SLC12A2: variants seen among roughly 807,000 people sequenced by gnomAD.
SLC12A2 encodes the protein Na-K-2Cl cotransporter 1.
Under a neutral mutation model 136.3 loss-of-function variants are expected in SLC12A2, and 67 were observed. That is an observed-to-expected ratio of 0.49 (90% CI 0.40 to 0.60). The LOEUF is 0.60. SLC12A2 is among the 20% of genes least tolerant of loss of function. SLC12A2 has a pLI of 0.00. For missense variants in SLC12A2, 1,322 were observed against 1,534.7 expected (o/e 0.86, Z 2.32); for synonymous variants, 619 against 562.9 (o/e 1.10, Z -1.41).
At chr5:128,103,596 A>G (rs931821250) in intron 1 of SLC12A2, among the ~76,000 whole-genome samples, 7 of 152,222 alleles carry the variant, frequency 4.6e-5, no homozygotes, top group African/African-American at 1.4e-4. Flanking sequence ...AGATAATTAC[A>G]GAGTATGATA....
intron 22 of SLC12A2, among the ~76,000 whole-genome samples, chr5:128,179,828 G>T (rs967706239): frequency 1.3e-5 from 2 of 151,748 alleles, no homozygotes; most frequent in Admixed American, 1.3e-4. Flanking sequence ...GCTGATATCC[G>T]AACTATTCCA....
At position 128,126,954 on chromosome 5, in the gene SLC12A2, AT is replaced by A. The variant is rs1561673430; in HGVS notation, c.1049-4112del. On this transcript the variant is annotated intron_variant, in intron 4 of 26. Coordinates refer to ENST00000262461, the MANE Select transcript of SLC12A2 (RefSeq NM_001046.3). ...TATCACAACCTACATATATATATATATATATATATATATTTTTTTTTTTTTT... is the reference window on the plus strand; with the variant it reads ...TATCACAACCTACATATATATATATAATATATATATATTTTTTTTTTTTTT... Among the ~76,000 whole-genome samples, 36 of 28,590 alleles carry A rather than the reference AT, an allele frequency of 1.3e-3. 4 individuals carry two copies. Among genetic ancestry groups the A allele is most frequent in the African/African-American group, 9.3e-3 (31 of 3,324 alleles). The allele number at this position is 28,590 out of a possible 152,430, so 18.8% of individuals were successfully genotyped here. A position where few individuals can be genotyped will look rare whatever the true frequency, so the allele number is the denominator to read the frequency against.
intron 4 of SLC12A2, among the ~76,000 whole-genome samples, chr5:128,123,902 A>T (rs896179079): frequency 1.2e-4 from 18 of 152,062 alleles, no homozygotes; most frequent in Non-Finnish European, 7.4e-5. Context: ...TTTCTTCTAG[A>T]GGTTTTACAG....
chr5:128,166,651 G>T lies in SLC12A2; in HGVS notation c.2617-1110G>T, dbSNP rs375282051. On this transcript the variant is annotated intron_variant, in intron 17 of 26. Transcript: ENST00000262461. ...ACGGAAGTACATATTACCAAGGGTT[G>T]GAGGGAGAAGGGGATGGGTGATTAT... Among the ~76,000 whole-genome samples the T allele has an allele frequency of 1.8e-4, 27 of 152,186 alleles. 1 individual carries two copies. In the East Asian group the frequency reaches 4.2e-3, roughly 24 times the overall value.
At chr5:128,106,374 G>T (rs10478797) in intron 1 of SLC12A2, among the ~76,000 whole-genome samples, 25,058 of 151,672 alleles carry the variant, frequency 0.17, 2,920 homozygotes, top group African/African-American at 0.33. Context: ...ATACTTTTTT[G>T]TGTGTGTGGA....
At chr5:128,105,282 C>T (rs945721930) in intron 1 of SLC12A2, among the ~76,000 whole-genome samples, 2 of 152,230 alleles carry the variant, frequency 1.3e-5, no homozygotes, top group African/African-American at 4.8e-5. Flanking sequence ...CACATATACA[C>T]GATGTTTAGA....
intron 4 of SLC12A2, among the ~76,000 whole-genome samples, 179 bp from the exon 5 acceptor site, chr5:128,130,888 G>A (rs1038853732): frequency 4.6e-5 from 7 of 152,068 alleles, no homozygotes; most frequent in African/African-American, 7.2e-5. Flanking sequence ...TTGTTAATAC[G>A]TGTTTTGTGA....
chr5:128,183,517 T>G (rs1354625519), intron 24 of SLC12A2, among the ~76,000 whole-genome samples: 1 of 151,988 alleles, frequency 6.6e-6, no homozygotes, highest in African/African-American at 2.4e-5. Flanking sequence ...GAGATTGCTT[T>G]TATTGTAACA....
chr5:128,148,643 A>G, intron 11 of SLC12A2, 111 bp from the exon 12 acceptor site: 1 of 837,956 alleles, frequency 1.2e-6, no homozygotes, highest in South Asian at 1.9e-5. Flanking sequence ...GATAAAAGAG[A>G]TGACCAAGAA....
chr5:128,104,678 G>T (rs1018707794), intron 1 of SLC12A2, among the ~76,000 whole-genome samples: 1 of 73,824 alleles, frequency 1.4e-5, no homozygotes, highest in Admixed American at 1.4e-4. Flanking sequence ...TAGATATATA[G>T]ATATAGATAT....
intron 6 of SLC12A2, 151 bp downstream of exon 6, chr5:128,134,426 T>C: frequency 3.6e-6 from 2 of 559,380 alleles, no homozygotes; most frequent in East Asian, 2.9e-5. Context: ...GGTTATTTTC[T>C]ACTTGACAAG....
chr5:128,121,882 A>G (rs1379724124), intron 4 of SLC12A2, among the ~76,000 whole-genome samples: 1 of 152,284 alleles, frequency 6.6e-6, no homozygotes, highest in East Asian at 1.9e-4. Flanking sequence ...TCTGTACAAC[A>G]GGTTTTGCAA....
At chr5:128,142,318 G>C (rs1017772986) in intron 10 of SLC12A2, among the ~76,000 whole-genome samples, 3 of 152,116 alleles carry the variant, frequency 2.0e-5, no homozygotes, top group Non-Finnish European at 4.4e-5. Context: ...GGTTAGGCTG[G>C]TCTCGAACTC....
intron 1 of SLC12A2, among the ~76,000 whole-genome samples, chr5:128,090,663 C>T (rs1221559562): frequency 6.6e-6 from 1 of 152,122 alleles, no homozygotes; most frequent in Non-Finnish European, 1.5e-5. Context: ...CTGGGTGATG[C>T]TGTTTTAGCA....
intron 1 of SLC12A2, among the ~76,000 whole-genome samples, chr5:128,107,682 A>G (rs190427673): frequency 6.6e-6 from 1 of 152,072 alleles, no homozygotes; most frequent in Non-Finnish European, 1.5e-5. Context: ...TTCTTTATTC[A>G]GTCTATCATT....
At position 128,174,570 on chromosome 5, in the gene SLC12A2, C is replaced by A. The variant is rs772020709; in HGVS notation, c.2833C>A (p.Pro945Thr). 1 of 1,608,078 alleles carries A rather than the reference C, an allele frequency of 6.2e-7. No homozygotes were observed. The highest frequency in any genetic ancestry group is 2.2e-5 in the East Asian group (1 of 44,518). The change falls in exon 20 of 27, where the codon CCT becomes ACT. Residue 945 changes from proline (P) to threonine (T), a missense_variant. Pro to Thr is a conservative substitution (Grantham distance 38, BLOSUM62 -1). Around this residue, in one of 8 missense-constraint regions of SLC12A2, gnomAD observed 226 missense variants for 210.4 expected, o/e 1.07. Transcript: ENST00000262461. ...ATTATTGTCATCACAAGAGAAATCT[C>A]CTGGCACCAAGGATGTGGTAGTAAG... ...EELLSSQEKS[P>T]GTKDVVVSVE... is the part of the protein sequence containing the mutation.
At chr5:128,126,962 A>ATTTTTTTTTTTTTTT (rs1486260326) in intron 4 of SLC12A2, among the ~76,000 whole-genome samples, 2 of 23,328 alleles carry the variant, frequency 8.6e-5, no homozygotes, top group Non-Finnish European at 1.5e-4. Context: ...ATATATATAT[A>ATTTTTTTTTTTTTTT]TATATTTTTT....
chr5:128,085,114 A>ATTGTGT (rs1185230142), intron 1 of SLC12A2, among the ~76,000 whole-genome samples: 1 of 151,608 alleles, frequency 6.6e-6, no homozygotes, highest in Non-Finnish European at 1.5e-5. Context: ...GTTTTGAAAG[A>ATTGTGT]TTGTGTTGTG....
Position 128,134,180 on chromosome 5 carries a change from A to G in SLC12A2, c.1204A>G (p.Met402Val), listed in dbSNP as rs147627093. Residue 402 changes from methionine to valine, a missense_variant, in exon 6 of 27, where the codon ATG (methionine) becomes GTG (valine). Met to Val is a conservative substitution (Grantham distance 21). Around this residue, in one of 8 missense-constraint regions of SLC12A2, gnomAD observed 110 missense variants for 114.5 expected, o/e 0.96. Transcript: ENST00000262461. ...CTTTTTCTAGGAACATTCCATACTT[A>G]TGATAGATGAAATCAATGATATCCG... Reference protein sequence around the residue: ...VELLKEHSILMIDEINDIRII... With the variant: ...VELLKEHSILVIDEINDIRII... 31 of 1,567,850 alleles carry G rather than the reference A, an allele frequency of 2.0e-5. No individual in the cohort carries two copies. The African/African-American group carries it at 3.8e-4, about 19-fold the overall frequency.
Sources: gnomAD v4.1 joint callset for allele counts (sites outside exome capture counted in the v4.1 genomes callset) on GRCh38, gnomAD v4.1.1 for gene constraint, gnomAD v4.1.1 regional missense constraint, MANE v1.5 for transcripts, NCBI Gene and HGNC (gene_info 2026-07-23, HGNC 2026-07-21) for gene names.